The following PCDH9 variants were observed in gnomAD, a reference collection of about 807,000 sequenced individuals.
The protein encoded by PCDH9 is protocadherin-9.
In PCDH9, 24 loss-of-function variants were observed where a neutral mutation model predicts 70.6. That is an observed-to-expected ratio of 0.34 (90% CI 0.25 to 0.48). PCDH9 has a LOEUF of 0.48. PCDH9 is among the 20% of genes least tolerant of loss of function. The pLI, the probability that PCDH9 is intolerant of heterozygous loss-of-function variation, is 0.99. For synonymous variants in PCDH9, 562 were observed against 558.5 expected (o/e 1.01, Z -0.09); for missense variants, 1,281 against 1,503.6 (o/e 0.85, Z 2.45).
intron 4 of PCDH9, among the ~76,000 whole-genome samples, chr13:66,384,752 C>A (rs965841268): frequency 1.3e-5 from 2 of 152,186 alleles, no homozygotes; most frequent in Non-Finnish European, 2.9e-5. Flanking sequence ...ACAACCTCCA[C>A]CTCTCGGGCA....
Position 66,903,553 on chromosome 13 carries a change from G to T in PCDH9, c.3089C>A (p.Pro1030His). Residue 1030 changes from proline to histidine, a missense_variant, in exon 3 of 5, where the codon CCC becomes CAC. Pro to His is a moderately conservative substitution (Grantham distance 77). Transcript: ENST00000377865. ...DNIPVTPQKC[P>H]SSTGFHIQEN... is the part of the protein sequence containing the mutation. ...CTGAATGTGGAAACCCGTGGAGCTGGGACATTTCTGAGGAGTGACAGGAAT... is the reference window on the plus strand; with the variant it reads ...CTGAATGTGGAAACCCGTGGAGCTGTGACATTTCTGAGGAGTGACAGGAAT... 1 of 1,584,896 alleles carries T rather than the reference G, an allele frequency of 6.3e-7. No homozygotes were observed. The highest frequency in any genetic ancestry group is 8.7e-7 in the Non-Finnish European group (1 of 1,154,948).
chr13:66,571,510 G>A (rs944444628), intron 4 of PCDH9, among the ~76,000 whole-genome samples: 2 of 151,718 alleles, frequency 1.3e-5, no homozygotes, highest in Non-Finnish European at 2.9e-5. Context: ...CACCTAAATG[G>A]CACTAATGTT....
At chr13:66,414,642 G>A (rs986349800) in intron 4 of PCDH9, among the ~76,000 whole-genome samples, 2 of 152,152 alleles carry the variant, frequency 1.3e-5, no homozygotes, top group African/African-American at 4.8e-5. Flanking sequence ...AGTTTTTGCA[G>A]GATGCTACTA....
chr13:67,224,872 A>T (rs1308361867), intron 2 of PCDH9: 2 of 981,882 alleles, frequency 2.0e-6, no homozygotes, highest in Admixed American at 1.2e-4. Flanking sequence ...GCAATCTATC[A>T]ACGATCATGT....
At chr13:67,020,617 T>C (rs1020006661) in intron 2 of PCDH9, among the ~76,000 whole-genome samples, 6 of 152,090 alleles carry the variant, frequency 3.9e-5, no homozygotes, top group Non-Finnish European at 8.8e-5. Context: ...CAGTAAAACA[T>C]ATAGCTGGCA....
intron 3 of PCDH9, among the ~76,000 whole-genome samples, chr13:66,874,517 G>C (rs2081761185): frequency 6.6e-6 from 1 of 152,016 alleles, no homozygotes; most frequent in Non-Finnish European, 1.5e-5. Context: ...ATTAAAATAA[G>C]GCCAGTCTAA....
At chr13:66,743,959 C>G (rs1268398694) in intron 3 of PCDH9, among the ~76,000 whole-genome samples, 1 of 151,804 alleles carries the variant, frequency 6.6e-6, no homozygotes, top group African/African-American at 2.4e-5. Context: ...CTACACACAC[C>G]CACATACCAA....
At chr13:66,919,621 T>A (rs1234157483) in intron 2 of PCDH9, among the ~76,000 whole-genome samples, 1 of 151,208 alleles carries the variant, frequency 6.6e-6, no homozygotes, top group Non-Finnish European at 1.5e-5. Context: ...ATATTTGGAA[T>A]TGTTTAGTTC....
chr13:66,609,346 T>C (rs2077262327), intron 4 of PCDH9, among the ~76,000 whole-genome samples: 1 of 152,168 alleles, frequency 6.6e-6, no homozygotes, highest in Admixed American at 6.5e-5. Context: ...TATTTCTTTT[T>C]GCTAACTTAA....
At chr13:66,774,325 CTA>C in intron 3 of PCDH9, among the ~76,000 whole-genome samples, 1 of 152,214 alleles carries the variant, frequency 6.6e-6, no homozygotes, top group South Asian at 2.1e-4. Context: ...TGCAGTGTCC[CTA>C]TGTGAATCAC....
intron 2 of PCDH9, among the ~76,000 whole-genome samples, chr13:67,049,127 T>C (rs1175444396): frequency 6.6e-6 from 1 of 152,216 alleles, no homozygotes; most frequent in African/African-American, 2.4e-5. Context: ...GTACTTCTTG[T>C]TCTAATGAAA....
chr13:66,501,511 A>G (rs1221155385), intron 4 of PCDH9, among the ~76,000 whole-genome samples: 2 of 152,144 alleles, frequency 1.3e-5, no homozygotes, highest in East Asian at 3.9e-4. Flanking sequence ...TTTATCTCCC[A>G]TTCCATTTTC....
chr13:66,623,388 T>C (rs1233610436), intron 4 of PCDH9, among the ~76,000 whole-genome samples: 1 of 152,248 alleles, frequency 6.6e-6, no homozygotes, highest in Non-Finnish European at 1.5e-5. Context: ...AGTCAGACAC[T>C]CCTGAGTTCA....
intron 2 of PCDH9, among the ~76,000 whole-genome samples, chr13:67,188,539 TAA>T (rs894454845): frequency 1.3e-5 from 2 of 152,108 alleles, no homozygotes; most frequent in African/African-American, 2.4e-5. Context: ...TTAATTTCAA[TAA>T]GTTATTTATC....
chr13:66,761,510 T>C (rs1463655458), intron 3 of PCDH9, among the ~76,000 whole-genome samples: 2 of 152,188 alleles, frequency 1.3e-5, no homozygotes, highest in Non-Finnish European at 2.9e-5. Flanking sequence ...GCTGTCCCAT[T>C]AATTCTGTCA....
chr13:66,833,820 T>A (rs1036953216), intron 3 of PCDH9, among the ~76,000 whole-genome samples: 1 of 152,198 alleles, frequency 6.6e-6, no homozygotes, highest in Non-Finnish European at 1.5e-5. Flanking sequence ...AAACCAGTTT[T>A]ATAAATTTGT....
At chr13:66,364,366 G>T (rs930655787) in intron 4 of PCDH9, among the ~76,000 whole-genome samples, 3 of 152,100 alleles carry the variant, frequency 2.0e-5, no homozygotes, top group Admixed American at 1.3e-4. Flanking sequence ...AATTATGATT[G>T]AGTATATGAT....
intron 2 of PCDH9, among the ~76,000 whole-genome samples, chr13:66,904,709 A>G (rs943807740): frequency 6.6e-6 from 1 of 152,006 alleles, no homozygotes; most frequent in Non-Finnish European, 1.5e-5. Flanking sequence ...GACATTTTTA[A>G]AAGCAAATGT....
chr13:66,731,898 T>C (rs1159847098), intron 3 of PCDH9, among the ~76,000 whole-genome samples: 1 of 152,066 alleles, frequency 6.6e-6, no homozygotes, highest in African/African-American at 2.4e-5. Flanking sequence ...GACTCTGCTA[T>C]ATTTCTTAAA....
Sources: gnomAD v4.1 joint callset for allele counts (sites outside exome capture counted in the v4.1 genomes callset) on GRCh38, gnomAD v4.1.1 for gene constraint, MANE v1.5 for transcripts, NCBI Gene and HGNC (gene_info 2026-07-23, HGNC 2026-07-21) for gene names.